Variants in DPF3 observed in about 807,000 individuals in gnomAD.
The protein encoded by DPF3 is zinc finger protein DPF3.
DPF3 carries 18 observed loss-of-function variants against 56.8 expected under a neutral mutation model. That is an observed-to-expected ratio of 0.32 (90% CI 0.22 to 0.47). The LOEUF is 0.47. DPF3 is among the 20% of genes least tolerant of loss of function. The pLI, the probability that DPF3 is intolerant of heterozygous loss-of-function variation, is 1.00. For missense variants in DPF3, 403 were observed against 488.8 expected, an observed-to-expected ratio of 0.82 and a Z score of 1.65; for synonymous variants, 188 against 180.2, an observed-to-expected ratio of 1.04 and a Z score of -0.35.
intron 1 of DPF3, among the ~76,000 whole-genome samples, chr14:72,830,823 T>C (rs1016566917): frequency 1.3e-5 from 2 of 152,174 alleles, no homozygotes; most frequent in African/African-American, 4.8e-5. Context: ...CACCCCGATC[T>C]CACTAGTTCC....
intron 1 of DPF3, among the ~76,000 whole-genome samples, chr14:72,867,463 C>T (rs1885719560): frequency 6.6e-6 from 1 of 152,130 alleles, no homozygotes; most frequent in African/African-American, 2.4e-5. Context: ...ATGAGCTGTA[C>T]TGTTGAGGGG....
At chr14:72,769,593 T>A (rs1270094302) in intron 2 of DPF3, among the ~76,000 whole-genome samples, 1 of 148,496 alleles carries the variant, frequency 6.7e-6, no homozygotes, top group Non-Finnish European at 1.5e-5. Flanking sequence ...GGCAGGAGAA[T>A]CGCTTGAACC....
chr14:72,719,141 C>T (rs1370476811), intron 5 of DPF3, among the ~76,000 whole-genome samples: 1 of 146,554 alleles, frequency 6.8e-6, no homozygotes, highest in Non-Finnish European at 1.5e-5. Context: ...ACAATCACAG[C>T]TCAATGAAGC....
rs530552214 is a variant in DPF3, at chr14:72,786,944, G to A, written c.33-15051C>T. Among the ~76,000 whole-genome samples, 4 of 152,356 alleles carry A rather than the reference G, an allele frequency of 2.6e-5. No individual in the cohort carries two copies. In the East Asian group the frequency reaches 7.7e-4, roughly 29 times the overall value. The stretch of plus-strand genomic sequence containing the variant: ...GGGCGAAAGGACACATCCTAGAGGC[G>A]CACAGCCCTAATTTCCTCCTGTTGA... On this transcript the variant is annotated intron_variant, in intron 1 of 10. Transcript: ENST00000556509.
chr14:72,872,858 T>C (rs1885958206), intron 1 of DPF3, among the ~76,000 whole-genome samples: 1 of 152,028 alleles, frequency 6.6e-6, no homozygotes, highest in Non-Finnish European at 1.5e-5. Context: ...CTGGGAAAAC[T>C]GGCTAGCCAT....
intron 2 of DPF3, among the ~76,000 whole-genome samples, chr14:72,756,897 GAAAA>G (rs1890840398): frequency 2.2e-5 from 1 of 45,298 alleles, no homozygotes; most frequent in African/African-American, 1.6e-4. Flanking sequence ...AAGAAAGAAA[GAAAA>G]GAAAAAAAGA....
At chr14:72,626,473 A>G (rs141818505) in intron 9 of DPF3, among the ~76,000 whole-genome samples, 76 of 152,256 alleles carry the variant, frequency 5.0e-4, no homozygotes, top group African/African-American at 1.7e-3. Flanking sequence ...TACTTAATAT[A>G]TTCTGGAAAT....
chr14:72,699,120 G>A (rs1199075715), intron 6 of DPF3, among the ~76,000 whole-genome samples: 1 of 152,182 alleles, frequency 6.6e-6, no homozygotes, highest in Non-Finnish European at 1.5e-5. Flanking sequence ...AAAGTGTCAG[G>A]AAGAGACTGT....
intron 1 of DPF3, among the ~76,000 whole-genome samples, chr14:72,828,704 G>T (rs1442415986): frequency 6.6e-6 from 1 of 152,088 alleles, no homozygotes; most frequent in Non-Finnish European, 1.5e-5. Flanking sequence ...GACTGAAGAG[G>T]GAGGCTGGGC....
intron 1 of DPF3, among the ~76,000 whole-genome samples, chr14:72,807,097 C>T (rs1160045498): frequency 2.6e-5 from 4 of 152,176 alleles, no homozygotes; most frequent in Admixed American, 6.5e-5. Flanking sequence ...GAGCCCACCA[C>T]CAGTCCACCC....
intron 7 of DPF3, among the ~76,000 whole-genome samples, chr14:72,679,869 C>T (rs967533220): frequency 1.3e-5 from 2 of 152,298 alleles, no homozygotes; most frequent in Admixed American, 6.5e-5. Flanking sequence ...CTGGCTAGGC[C>T]AGTCCAGAGG....
chr14:72,612,349 C>T lies in DPF3; in HGVS notation c.*6948G>A. 1 of 445,282 alleles carries T rather than the reference C, an allele frequency of 2.2e-6. No individual in the cohort carries two copies. Among genetic ancestry groups the T allele is most frequent in the South Asian group, 1.7e-5 (1 of 57,780 alleles). 27.6% of individuals were successfully genotyped at this position (445,282 alleles called of 1,614,324 possible). A position where few individuals can be genotyped will look rare whatever the true frequency, so the allele number is the denominator to read the frequency against. ...TACCTACCCCGCCTCTCTCCAGCCA[C>T]CTGCTCCCCACCTCCTCTGCTCTGA... On this transcript the variant is annotated 3_prime_UTR_variant, in exon 11 of 11. Coordinates refer to ENST00000556509, the MANE Select transcript of DPF3 (RefSeq NM_001280542.3).
chr14:72,797,278 G>A (rs1024386458), intron 1 of DPF3, among the ~76,000 whole-genome samples: 21 of 152,118 alleles, frequency 1.4e-4, no homozygotes, highest in African/African-American at 4.8e-4. Context: ...CAGACACATA[G>A]GTTAACCAGC....
chr14:72,770,140 C>A (rs1167955417), intron 2 of DPF3, among the ~76,000 whole-genome samples: 1 of 152,094 alleles, frequency 6.6e-6, no homozygotes, highest in Non-Finnish European at 1.5e-5. Context: ...ACTGTATGAG[C>A]CTCTTGATGA....
intron 2 of DPF3, among the ~76,000 whole-genome samples, chr14:72,753,803 G>A (rs1170618859): frequency 6.6e-6 from 1 of 152,066 alleles, no homozygotes; most frequent in Non-Finnish European, 1.5e-5. Flanking sequence ...GACAGCCTGG[G>A]TTGAGAAGCA....
chr14:72,820,084 A>T (rs1021098391), intron 1 of DPF3, among the ~76,000 whole-genome samples: 3 of 152,260 alleles, frequency 2.0e-5, no homozygotes, highest in African/African-American at 7.2e-5. Flanking sequence ...TATTGTGGTT[A>T]CATGGGTATA....
chr14:72,756,906 A>AAAAAG (rs1555504019), intron 2 of DPF3, among the ~76,000 whole-genome samples: 2 of 74,704 alleles, frequency 2.7e-5, no homozygotes, highest in Admixed American at 1.3e-4. Flanking sequence ...AGAAAAGAAA[A>AAAAAG]AAAGAAAGAA....
At chr14:72,733,526 TA>T (rs1889762093) in intron 3 of DPF3, among the ~76,000 whole-genome samples, 1 of 151,998 alleles carries the variant, frequency 6.6e-6, no homozygotes, top group Non-Finnish European at 1.5e-5. Context: ...GGACAGGAGC[TA>T]TGGCTTGCAG....
intron 8 of DPF3, chr14:72,670,883 G>T: frequency 2.5e-6 from 3 of 1,217,154 alleles, no homozygotes; most frequent in Non-Finnish European, 3.1e-6. Context: ...AGCGCATCAC[G>T]ATGCCATCTC....
Sources: gnomAD v4.1 joint callset for allele counts (sites outside exome capture counted in the v4.1 genomes callset) on GRCh38, gnomAD v4.1.1 for gene constraint, MANE v1.5 for transcripts, NCBI Gene and HGNC (gene_info 2026-07-23, HGNC 2026-07-21) for gene names.